TASOR: variants seen among roughly 807,000 people sequenced by gnomAD.
TASOR encodes protein TASOR.
TASOR carries 53 observed loss-of-function variants against 178.6 expected under a neutral mutation model. The ratio of observed to expected loss-of-function variants is 0.30; its 90% confidence interval spans 0.24 to 0.37. The LOEUF is 0.37. Among genes scored for constraint, TASOR ranks in the 10% least tolerant of loss-of-function variants. The pLI is 1.00. For missense variants in TASOR, 1,815 were observed against 1,971.4 expected, an observed-to-expected ratio of 0.92 and a Z score of 1.50; for synonymous variants, 713 against 696.2, an observed-to-expected ratio of 1.02 and a Z score of -0.38.
At chr3:56,669,460 G>A (rs1478660451) in intron 5 of TASOR, among the ~76,000 whole-genome samples, 1 of 152,002 alleles carries the variant, frequency 6.6e-6, no homozygotes, top group East Asian at 1.9e-4. Flanking sequence ...CCAAGATGGC[G>A]CCACTGCACT....
At chr3:56,663,082 C>T (rs138139454) in intron 8 of TASOR, among the ~76,000 whole-genome samples, 1 of 152,098 alleles carries the variant, frequency 6.6e-6, no homozygotes, top group African/African-American at 2.4e-5. Flanking sequence ...CAGGAGAAGG[C>T]TGAGGCTGGA....
intron 8 of TASOR, among the ~76,000 whole-genome samples, chr3:56,662,838 C>A (rs2077626333): frequency 6.6e-6 from 1 of 152,120 alleles, no homozygotes; most frequent in Non-Finnish European, 1.5e-5. Flanking sequence ...TATATGAATG[C>A]CTACAGTGTC....
intron 8 of TASOR, among the ~76,000 whole-genome samples, chr3:56,662,918 C>T (rs1298789294): frequency 6.6e-6 from 1 of 152,200 alleles, no homozygotes; most frequent in Non-Finnish European, 1.5e-5. Context: ...GTGGCTCACA[C>T]CTGTAACCCC....
rs1365986955 is a variant in TASOR at position 56,622,584 on chromosome 3, C to CG, written c.*452dup. On this transcript the variant is annotated 3_prime_UTR_variant, in exon 24 of 24. Transcript: ENST00000683822. ...CACTGTTAGATAAATCTTGAGGTAT[C>CG]GAGCCAAAATCCTGTAAATATTAAC... 6.5e-6 allele frequency: 1 copy of CG among 152,676 alleles called. No individual in the cohort carries two copies. Among genetic ancestry groups the CG allele is most frequent in the Non-Finnish European group, 1.5e-5 (1 of 68,114 alleles). 9.5% of individuals were successfully genotyped at this position (152,676 alleles called of 1,614,324 possible).
intron 17 of TASOR, 111 bp from the exon 18 acceptor site, chr3:56,634,077 T>G: frequency 1.2e-6 from 1 of 828,088 alleles, no homozygotes; most frequent in South Asian, 2.0e-5. Flanking sequence ...GAACTAATTA[T>G]ATATTAGAAG....
chr3:56,667,993 T>C (rs1327546677), intron 6 of TASOR, among the ~76,000 whole-genome samples: 1 of 152,192 alleles, frequency 6.6e-6, no homozygotes, highest in African/African-American at 2.4e-5. Flanking sequence ...TGTTATGCAT[T>C]AAGATTATTT....
Position 56,638,773 on chromosome 3 carries a change from A to G in TASOR, c.2765-8T>C. On this transcript the variant is annotated splice_region_variant and splice_polypyrimidine_tract_variant and intron_variant, in intron 16 of 23. Coordinates refer to ENST00000683822, the MANE Select transcript of TASOR (RefSeq NM_001365635.2). ...GGCTTCTTGCATTCCCTCCTGAGGG[A>G]AAGCATCCATTAGACTCTCTTCAGA... The G allele has an allele frequency of 1.2e-6, 2 of 1,614,024 alleles. No homozygotes were observed. Among genetic ancestry groups the G allele is most frequent in the Non-Finnish European group, 1.7e-6 (2 of 1,179,920 alleles).
chr3:56,683,056 G>T lies in TASOR; in HGVS notation c.-50C>A, dbSNP rs1346125420. Reference sequence around the variant, plus strand: ...AAGCTTCTGCCCACAAGGTCGACGGGTGTGGGGGGAAGGGGCGGCGGGCCA... The same window carrying T: ...AAGCTTCTGCCCACAAGGTCGACGGTTGTGGGGGGAAGGGGCGGCGGGCCA... On this transcript the variant is annotated 5_prime_UTR_variant, in exon 1 of 24. Transcript: ENST00000683822. 1 of 1,448,582 alleles carries T rather than the reference G, an allele frequency of 6.9e-7. No homozygotes were observed. Among genetic ancestry groups the T allele is most frequent in the South Asian group, 1.4e-5 (1 of 70,716 alleles). 89.7% of individuals were successfully genotyped at this position (1,448,582 alleles called of 1,614,324 possible).
At chr3:56,674,471 C>T (rs1032776996) in intron 1 of TASOR, among the ~76,000 whole-genome samples, 7 of 151,930 alleles carry the variant, frequency 4.6e-5, no homozygotes, top group East Asian at 1.9e-4. Context: ...GTTCTCCCAC[C>T]GCACTCCAGT....
intron 11 of TASOR, among the ~76,000 whole-genome samples, chr3:56,660,231 C>A (rs964835142): frequency 6.6e-6 from 1 of 151,836 alleles, no homozygotes; most frequent in Non-Finnish European, 1.5e-5. Flanking sequence ...GTGGCTCACG[C>A]CTCTAATTCC....
chr3:56,640,195 G>GT (rs1194491622), intron 15 of TASOR, 65 bp from the exon 16 acceptor site: 1 of 1,446,674 alleles, frequency 6.9e-7, no homozygotes, highest in Non-Finnish European at 9.5e-7. Context: ...AGAATAAACT[G>GT]TTTTTTCACT....
chr3:56,668,352 A>C (rs2030283201), intron 6 of TASOR, 45 bp downstream of exon 6: 4 of 1,530,436 alleles, frequency 2.6e-6, no homozygotes, highest in Middle Eastern at 1.7e-4. Flanking sequence ...ATTTGGTAAC[A>C]AACAGGTATG....
At chr3:56,652,679 A>G (rs1233571443) in intron 11 of TASOR, among the ~76,000 whole-genome samples, 1 of 152,226 alleles carries the variant, frequency 6.6e-6, no homozygotes, top group Non-Finnish European at 1.5e-5. Flanking sequence ...TGCCTGGCGT[A>G]TGATAGGTAC....
At chr3:56,665,495 T>C (rs2077689671) in intron 7 of TASOR, among the ~76,000 whole-genome samples, 1 of 152,038 alleles carries the variant, frequency 6.6e-6, no homozygotes, top group African/African-American at 2.4e-5. Flanking sequence ...TAGCTAGGAC[T>C]ACAGGCACGT....
At chr3:56,665,588 A>C (rs1285856556) in intron 7 of TASOR, among the ~76,000 whole-genome samples, 6 of 151,952 alleles carry the variant, frequency 3.9e-5, no homozygotes, top group Non-Finnish European at 7.4e-5. Flanking sequence ...TGAACTCCTG[A>C]CCTCAGGTGA....
chr3:56,641,518 T>A lies in TASOR; in HGVS notation c.2450A>T (p.Asn817Ile), dbSNP rs1559826707. ...ELRQKHEYELNSTPDKKDYEQ... is the reference protein window; with the variant it reads ...ELRQKHEYELISTPDKKDYEQ... Reference sequence around the variant, plus strand: ...ATAGTCTTTCTTATCTGGGGTAGAGTTCAACTCATACTCATGTTTTTGCCT... The same window carrying A: ...ATAGTCTTTCTTATCTGGGGTAGAGATCAACTCATACTCATGTTTTTGCCT... The change falls in exon 15 of 24, where the codon AAC becomes ATC. Residue 817 changes from asparagine (N) to isoleucine (I), a missense_variant. Physicochemically the swap from Asn to Ile is moderately radical, Grantham distance 149 (BLOSUM62 -3). Transcript: ENST00000683822. 6.2e-7 allele frequency: 1 copy of A among 1,613,814 alleles called. No homozygotes were observed. The highest frequency in any genetic ancestry group is 2.2e-5 in the East Asian group (1 of 44,876).
chr3:56,633,255 G>A lies in TASOR; in HGVS notation c.3536C>T (p.Pro1179Leu). ...TACTGGTTCCCGGGCCATATCACCAGGTACAATATGATCAGAAGTCACCAT... is the reference window on the plus strand; with the variant it reads ...TACTGGTTCCCGGGCCATATCACCAAGTACAATATGATCAGAAGTCACCAT... The part of the protein sequence containing the change: ...ELMVTSDHIV[P>L]GDMAREPVEE... The change falls in exon 18 of 24, where the codon CCT becomes CTT. Residue 1179 changes from proline (P) to leucine (L), a missense_variant. Around this residue, in one of 5 missense-constraint regions of TASOR, gnomAD observed 655 missense variants for 671.1 expected, o/e 0.98. Coordinates refer to ENST00000683822, the MANE Select transcript of TASOR (RefSeq NM_001365635.2). 2 of 1,614,106 alleles carry A rather than the reference G, an allele frequency of 1.2e-6. No individual in the cohort carries two copies. Among genetic ancestry groups the A allele is most frequent in the Non-Finnish European group, 8.5e-7 (1 of 1,180,020 alleles).
intron 11 of TASOR, among the ~76,000 whole-genome samples, chr3:56,652,986 C>T (rs1338542409): frequency 7.9e-5 from 12 of 152,026 alleles, no homozygotes; most frequent in Admixed American, 2.6e-4. Flanking sequence ...CAGGCCAGGC[C>T]GGGCGCAGTG....
chr3:56,662,546 A>G, intron 8 of TASOR, 56 bp from the exon 9 acceptor site: 2 of 794,574 alleles, frequency 2.5e-6, no homozygotes, highest in Admixed American at 3.2e-5. Context: ...CAGAGAAGTG[A>G]GTGCACATTT....
Sources: allele counts gnomAD v4.1 joint callset (sites outside exome capture counted in the v4.1 genomes callset), GRCh38; gene constraint gnomAD v4.1.1; regional missense constraint gnomAD v4.1.1; transcripts MANE v1.5; gene names NCBI Gene and HGNC (gene_info 2026-07-23, HGNC 2026-07-21).